SLC4A10: variants seen among roughly 807,000 people sequenced by gnomAD.
SLC4A10 encodes the protein sodium-driven chloride bicarbonate exchanger.
A neutral mutation model predicts 137.7 loss-of-function variants in SLC4A10; 42 were observed. The ratio of observed to expected loss-of-function variants is 0.30; its 90% confidence interval spans 0.24 to 0.39. SLC4A10 has a LOEUF of 0.39. SLC4A10 is among the 10% of genes least tolerant of loss of function. The pLI is 1.00. For synonymous variants in SLC4A10, 474 were observed against 464.1 expected (o/e 1.02, Z -0.27); for missense variants, 925 against 1,355.0 (o/e 0.68, Z 4.98).
intron 3 of SLC4A10, among the ~76,000 whole-genome samples, chr2:161,837,075 C>T (rs182972805): frequency 6.6e-6 from 1 of 152,248 alleles, no homozygotes; most frequent in Admixed American, 6.5e-5. Context: ...TGGCCACTCT[C>T]ATCACTGCCA....
chr2:161,787,499 C>T (rs2053757663), intron 2 of SLC4A10, among the ~76,000 whole-genome samples: 1 of 152,122 alleles, frequency 6.6e-6, no homozygotes, highest in Admixed American at 6.6e-5. Context: ...CTGAATGATT[C>T]CTTTAAATAT....
chr2:161,817,463 G>A (rs2057199460), intron 3 of SLC4A10, among the ~76,000 whole-genome samples: 1 of 152,116 alleles, frequency 6.6e-6, no homozygotes, highest in South Asian at 2.1e-4. Context: ...TTCTTTTGCT[G>A]TGCAGAAGCT....
chr2:161,961,681 T>G (rs1431856683), intron 21 of SLC4A10, among the ~76,000 whole-genome samples: 1 of 152,152 alleles, frequency 6.6e-6, no homozygotes, highest in Non-Finnish European at 1.5e-5. Context: ...AAAATCATTT[T>G]GATGATAGGT....
chr2:161,629,209 T>C (rs556320629), intron 1 of SLC4A10, among the ~76,000 whole-genome samples: 1 of 152,048 alleles, frequency 6.6e-6, no homozygotes, highest in South Asian at 2.1e-4. Flanking sequence ...TCAATCTATA[T>C]AGTAAATATT....
intron 2 of SLC4A10, among the ~76,000 whole-genome samples, chr2:161,780,631 A>G (rs1559233691): frequency 6.6e-6 from 1 of 152,078 alleles, no homozygotes; most frequent in Non-Finnish European, 1.5e-5. Context: ...TGCTTTCTTC[A>G]GAGCGGCTCA....
chr2:161,872,838 C>T lies in SLC4A10; in HGVS notation c.858+454C>T, dbSNP rs189162234. Among the ~76,000 whole-genome samples, 12 of 152,168 alleles carry T rather than the reference C, an allele frequency of 7.9e-5. No individual in the cohort carries two copies. The South Asian group carries it at 2.3e-3, about 29-fold the overall frequency. ...AAGCAATTCTCAAGCCTCAGCTTCCCGAGTAGCTGGGATTACAGGCGTGCA... is the reference window on the plus strand; with the variant it reads ...AAGCAATTCTCAAGCCTCAGCTTCCTGAGTAGCTGGGATTACAGGCGTGCA... On this transcript the variant is annotated intron_variant, in intron 7 of 26. Coordinates refer to ENST00000446997, the MANE Select transcript of SLC4A10 (RefSeq NM_001178015.2).
At position 161,879,205 on chromosome 2, in the gene SLC4A10, C is replaced by T; in HGVS notation, c.1023C>T (p.Phe341=). The T allele has an allele frequency of 6.2e-7, 1 of 1,613,448 alleles. No individual in the cohort carries two copies. The highest frequency in any genetic ancestry group is 1.1e-5 in the South Asian group (1 of 91,052). ...ACATCTTAGTGGGAGAACTGGAGTT[C>T]TTGGATCGAACAGTAGTTGCGTTTG... ...ASNILVGELE[F]LDRTVVAFVR... The change falls in exon 9 of 27, where the codon TTC becomes TTT. Residue 341 remains phenylalanine (F), a synonymous_variant. Transcript: ENST00000446997.
chr2:161,942,417 G>A (rs1272143658), intron 15 of SLC4A10, among the ~76,000 whole-genome samples: 1 of 152,082 alleles, frequency 6.6e-6, no homozygotes, highest in Non-Finnish European at 1.5e-5. Flanking sequence ...TTATATGCCA[G>A]TTATAAATCA....
At chr2:161,919,890 C>A (rs1687801689) in intron 15 of SLC4A10, among the ~76,000 whole-genome samples, 1 of 152,196 alleles carries the variant, frequency 6.6e-6, no homozygotes, top group Admixed American at 6.5e-5. Flanking sequence ...GGCTGTGACA[C>A]CCTCTTTGGG....
chr2:161,881,392 G>T (rs575837992), intron 9 of SLC4A10, among the ~76,000 whole-genome samples: 1 of 151,910 alleles, frequency 6.6e-6, no homozygotes, highest in African/African-American at 2.4e-5. Flanking sequence ...AATTGGCTTG[G>T]GTTCAGTTGT....
At chr2:161,832,189 AC>A (rs2058476091) in intron 3 of SLC4A10, among the ~76,000 whole-genome samples, 1 of 152,170 alleles carries the variant, frequency 6.6e-6, no homozygotes, top group Non-Finnish European at 1.5e-5. Flanking sequence ...CCCTTTGCAC[AC>A]CCTTCTGTGG....
intron 19 of SLC4A10, among the ~76,000 whole-genome samples, chr2:161,951,919 C>T (rs1238892387): frequency 6.6e-6 from 1 of 152,006 alleles, no homozygotes; most frequent in Non-Finnish European, 1.5e-5. Context: ...TATCTTAAAG[C>T]AAAGGACATT....
intron 1 of SLC4A10, among the ~76,000 whole-genome samples, chr2:161,663,606 A>C (rs546187673): frequency 6.6e-6 from 1 of 152,132 alleles, no homozygotes; most frequent in Non-Finnish European, 1.5e-5. Context: ...GGGAAAATAT[A>C]AATTATAAAA....
intron 15 of SLC4A10, among the ~76,000 whole-genome samples, chr2:161,928,293 A>C (rs1353157398): frequency 6.8e-6 from 1 of 147,714 alleles, no homozygotes; most frequent in South Asian, 2.1e-4. Flanking sequence ...AACACGGCAT[A>C]TTCTCACTCA....
chr2:161,962,730 G>A (rs975887281), intron 21 of SLC4A10, among the ~76,000 whole-genome samples: 10 of 152,110 alleles, frequency 6.6e-5, no homozygotes, highest in Admixed American at 2.6e-4. Context: ...AGATAACTGA[G>A]GAAAGGAAGG....
chr2:161,633,625 T>A (rs1444387892), intron 1 of SLC4A10, among the ~76,000 whole-genome samples: 1 of 151,764 alleles, frequency 6.6e-6, no homozygotes, highest in African/African-American at 2.4e-5. Flanking sequence ...GACTCAGTAA[T>A]AGTAGCTATT....
At chr2:161,765,700 A>G (rs2050733363) in intron 1 of SLC4A10, among the ~76,000 whole-genome samples, 1 of 152,010 alleles carries the variant, frequency 6.6e-6, no homozygotes. Context: ...TCTTCCTTAC[A>G]CAGTGCTAAA....
intron 24 of SLC4A10, 63 bp downstream of exon 24, chr2:161,974,379 G>A: frequency 7.6e-7 from 1 of 1,317,146 alleles, no homozygotes; most frequent in Non-Finnish European, 1.0e-6. Context: ...TATACTTTAA[G>A]AATTTCATAC....
At chr2:161,821,036 G>T (rs1363126722) in intron 3 of SLC4A10, among the ~76,000 whole-genome samples, 2 of 152,142 alleles carry the variant, frequency 1.3e-5, no homozygotes, top group Non-Finnish European at 2.9e-5. Context: ...GATTACCAAT[G>T]AAATTGAGTA....
Sources: gnomAD v4.1 joint callset for allele counts (sites outside exome capture counted in the v4.1 genomes callset) on GRCh38, gnomAD v4.1.1 for gene constraint, MANE v1.5 for transcripts, NCBI Gene and HGNC (gene_info 2026-07-23, HGNC 2026-07-21) for gene names.